The following GBF1 variants were observed in gnomAD, a reference collection of about 807,000 sequenced individuals.
The protein encoded by GBF1 is golgi brefeldin A resistant guanine nucleotide exchange factor 1.
GBF1 carries 114 observed loss-of-function variants against 210.5 expected under a neutral mutation model. The ratio of observed to expected loss-of-function variants is 0.54; its 90% CI spans 0.47 to 0.63. The LOEUF is 0.63. Ranked by LOEUF, GBF1 falls within the 30% of genes least tolerant of loss-of-function variation. GBF1 has a pLI of 0.00. For missense variants in GBF1, 1,851 were observed against 2,357.7 expected, an observed-to-expected ratio of 0.79 and a Z score of 4.45; for synonymous variants, 850 against 889.2, an observed-to-expected ratio of 0.96 and a Z score of 0.78.
chr10:102,263,575 A>G (rs2073489365), intron 3 of GBF1, among the ~76,000 whole-genome samples: 1 of 152,166 alleles, frequency 6.6e-6, no homozygotes, highest in Non-Finnish European at 1.5e-5. Flanking sequence ...TGTAGAAAGA[A>G]TCTTTAAAAT....
At chr10:102,309,314 A>G (rs143124012) in intron 3 of GBF1, among the ~76,000 whole-genome samples, 2 of 152,366 alleles carry the variant, frequency 1.3e-5, no homozygotes, top group South Asian at 2.1e-4. Flanking sequence ...TCACTCTTGA[A>G]TAGCTGAAAT....
chr10:102,244,715 G>T (rs1024663648), upstream of GBF1, among the ~76,000 whole-genome samples: 23 of 152,200 alleles, frequency 1.5e-4, no homozygotes, highest in African/African-American at 4.8e-4. Flanking sequence ...TAAGGCATAA[G>T]AGGTGACAAA....
rs753326875 is a variant in GBF1, at chr10:102,379,611, A to G, written c.4736A>G (p.Gln1579Arg). 1.2e-6 allele frequency: 2 copies of G among 1,614,130 alleles called. No individual in the cohort carries two copies. Among genetic ancestry groups the G allele is most frequent in the East Asian group, 4.5e-5 (2 of 44,886 alleles). ...LQRALLVHDL[Q>R]KLDALEWESC... is the part of the protein sequence containing the mutation. Reference sequence around the variant, plus strand: ...CGAGCACTACTTGTACATGATCTGCAAAAGCTAGATGCCCTGGAATGGGAG... The same window carrying G: ...CGAGCACTACTTGTACATGATCTGCGAAAGCTAGATGCCCTGGAATGGGAG... Residue 1579 changes from glutamine (Q) to arginine (R), a missense_variant, in exon 35 of 40, where the codon CAA becomes CGA. Coordinates refer to ENST00000369983, the MANE Select transcript of GBF1 (RefSeq NM_001377137.1).
chr10:102,365,471 C>T lies in GBF1; in HGVS notation c.2181C>T (p.Leu727=), dbSNP rs777921533. 3 of 1,613,936 alleles carry T rather than the reference C, an allele frequency of 1.9e-6. No individual in the cohort carries two copies. The highest frequency in any genetic ancestry group is 2.7e-5 in the African/African-American group (2 of 74,946). The change falls in exon 18 of 40, where the codon CTC becomes CTT. Residue 727 remains leucine (L), a synonymous_variant. Transcript: ENST00000369983. ...KGIQFLQEKG[L]LTIPMDNTEV... ...TTCAGTTTCTGCAAGAGAAAGGCCT[C>T]CTCACCATCCCAATGGACAACACAG... is the stretch of plus-strand genomic sequence containing the variant.
At chr10:102,327,112 G>A (rs1325937416) in intron 3 of GBF1, among the ~76,000 whole-genome samples, 1 of 152,158 alleles carries the variant, frequency 6.6e-6, no homozygotes, top group Non-Finnish European at 1.5e-5. Context: ...AATTCTCCTG[G>A]CCAAGCCTTA....
In GBF1 at chr10:102,366,232, G is replaced by A; in HGVS notation, c.2310-151G>A. On this transcript the variant is annotated intron_variant, in intron 18 of 39. Coordinates refer to ENST00000369983, the MANE Select transcript of GBF1 (RefSeq NM_001377137.1). The surrounding 1 kb of genome is among the most constrained non-coding windows in gnomAD (Gnocchi z 4.0). ...GTGAAAAGTATTAAGGCTAGGGGTT[G>A]TGTTAGGGATGAACAGGAGATACTG... The A allele has an allele frequency of 1.4e-6, 1 of 715,904 alleles. No homozygotes were observed. Among genetic ancestry groups the A allele is most frequent in the Non-Finnish European group, 2.4e-6 (1 of 420,570 alleles). The allele number at this position is 715,904 out of a possible 1,614,324, so 44.3% of individuals were successfully genotyped here. A position where few individuals can be genotyped will look rare whatever the true frequency, so the allele number is the denominator to read the frequency against.
chr10:102,351,408 G>A (rs376367549), intron 5 of GBF1, 34 bp downstream of exon 5: 27 of 1,121,018 alleles, frequency 2.4e-5, no homozygotes, highest in Non-Finnish European at 3.3e-5. Flanking sequence ...TAGGCTAATG[G>A]CCAGGGGCTG....
chr10:102,316,234 G>A (rs1430906910), intron 3 of GBF1, among the ~76,000 whole-genome samples: 6 of 151,868 alleles, frequency 4.0e-5, no homozygotes, highest in Admixed American at 3.9e-4. Context: ...TTACAAGCGT[G>A]TGCCACCACA....
At chr10:102,297,615 A>G (rs2077013120) in intron 3 of GBF1, among the ~76,000 whole-genome samples, 1 of 152,186 alleles carries the variant, frequency 6.6e-6, no homozygotes, top group African/African-American at 2.4e-5. Flanking sequence ...TTACCTTCTT[A>G]TACTACTCCT....
chr10:102,359,344 C>T lies in GBF1; in HGVS notation c.1089C>T (p.Ser363=). The change falls in exon 11 of 40, where the codon TCC becomes TCT. Residue 363 remains serine, a synonymous_variant. Coordinates refer to ENST00000369983, the MANE Select transcript of GBF1 (RefSeq NM_001377137.1). ...CTGAAGTGTTAGAGGAGTGCACGTC[C>T]CCTGCCGACCACTCTGACTCTGCCT... is the stretch of plus-strand genomic sequence containing the variant. ...SIPEVLEECT[S]PADHSDSASV... 2 of 1,610,734 alleles carry T rather than the reference C, an allele frequency of 1.2e-6. No homozygotes were observed. Among genetic ancestry groups the T allele is most frequent in the Non-Finnish European group, 1.7e-6 (2 of 1,176,950 alleles).
At position 102,370,845 on chromosome 10, in the gene GBF1, A is replaced by C; in HGVS notation, c.3645A>C (p.Glu1215Asp). Residue 1215 changes from glutamate to aspartate, a missense_variant, in exon 29 of 40, where the codon GAA (glutamate) becomes GAC (aspartate). By Grantham distance (45) the Glu-to-Asp change is conservative (BLOSUM62 2). This residue lies in a region of GBF1 where 967 missense variants were observed against 1,247.7 expected (regional missense o/e 0.78). Coordinates refer to ENST00000369983, the MANE Select transcript of GBF1 (RefSeq NM_001377137.1). ...TGGCCATTCGGCTTCTCCGGAGAGA[A>C]GAGATCAGTGCTCAGGTAAGCAGAA... Reference protein sequence around the residue: ...LRLAIRLLRREEISAQVLLSL... With the variant: ...LRLAIRLLRRDEISAQVLLSL... 1 of 1,614,116 alleles carries C rather than the reference A, an allele frequency of 6.2e-7. No homozygotes were observed. Among genetic ancestry groups the C allele is most frequent in the Non-Finnish European group, 8.5e-7 (1 of 1,179,952 alleles).
intron 3 of GBF1, among the ~76,000 whole-genome samples, chr10:102,313,953 G>T (rs1034627653): frequency 2.6e-5 from 4 of 152,022 alleles, no homozygotes; most frequent in African/African-American, 4.8e-5. Context: ...TTAGATGGCA[G>T]AAACTATTAA....
chr10:102,333,820 A>G (rs944696478), intron 3 of GBF1, among the ~76,000 whole-genome samples: 1 of 152,198 alleles, frequency 6.6e-6, no homozygotes, highest in Non-Finnish European at 1.5e-5. Flanking sequence ...GTAGATCACT[A>G]TCAATCTTGA....
At chr10:102,320,185 T>A (rs1254243104) in intron 3 of GBF1, among the ~76,000 whole-genome samples, 3 of 152,196 alleles carry the variant, frequency 2.0e-5, no homozygotes, top group Non-Finnish European at 4.4e-5. Flanking sequence ...ATTGAAGGTT[T>A]TACCGGATAT....
At chr10:102,238,256 T>C in the GBF1 span, among the ~76,000 whole-genome samples, 1 of 152,174 alleles carries the variant, frequency 6.6e-6, no homozygotes, top group Admixed American at 6.5e-5. Context: ...CAGGTTAGTC[T>C]AGGAGGCATC....
the GBF1 span, among the ~76,000 whole-genome samples, chr10:102,233,794 C>T: frequency 6.6e-6 from 1 of 152,340 alleles, no homozygotes; most frequent in African/African-American, 2.4e-5. Context: ...TAGGCAGGAG[C>T]TTCATTAGAC....
chr10:102,243,817 A>C (rs1411092380), upstream of GBF1, among the ~76,000 whole-genome samples: 1 of 152,162 alleles, frequency 6.6e-6, no homozygotes, highest in Non-Finnish European at 1.5e-5. Context: ...CACGTCTGAT[A>C]TCTGATGGGT....
chr10:102,315,165 A>G (rs369229687), intron 3 of GBF1, among the ~76,000 whole-genome samples: 1 of 152,230 alleles, frequency 6.6e-6, no homozygotes, highest in African/African-American at 2.4e-5. Context: ...GTACTTACAT[A>G]GGACCTTTCT....
Position 102,376,930 on chromosome 10 carries a change from C to G in GBF1, c.4289-5C>G. 1.2e-6 allele frequency: 2 copies of G among 1,613,820 alleles called. No individual in the cohort carries two copies. The highest frequency in any genetic ancestry group is 1.7e-6 in the Non-Finnish European group (2 of 1,179,746). On this transcript the variant is annotated splice_region_variant and splice_polypyrimidine_tract_variant and intron_variant, in intron 32 of 39. Transcript: ENST00000369983. ...GAAATGTGACCTGAGTCTGGCTCTG[C>G]TCAGGATGCAAGTCCCAGGAGAAAC...
Sources: gnomAD v4.1 joint callset for allele counts (sites outside exome capture counted in the v4.1 genomes callset) on GRCh38, gnomAD v4.1.1 for gene constraint, gnomAD v4.1.1 regional missense constraint, Gnocchi (gnomAD v3.1) non-coding constraint, MANE v1.5 for transcripts, NCBI Gene and HGNC (gene_info 2026-07-23, HGNC 2026-07-21) for gene names.